The following TLL1 variants were observed in gnomAD, a reference collection of about 807,000 sequenced individuals.
TLL1 encodes tolloid-like protein 1.
A neutral mutation model predicts 128.2 loss-of-function variants in TLL1; 49 were observed. That is an observed-to-expected ratio of 0.38 (90% CI 0.30 to 0.48). TLL1 has a LOEUF of 0.48. Among genes scored for constraint, TLL1 ranks in the 20% least tolerant of loss-of-function variants. The pLI, the probability that TLL1 is intolerant of heterozygous loss-of-function variation, is 0.96. For missense variants in TLL1, 1,123 were observed against 1,242.0 expected (o/e 0.90, Z 1.44); for synonymous variants, 454 against 418.8 (o/e 1.08, Z -1.03).
At chr4:166,057,578 G>T (rs1740084398) in intron 14 of TLL1, among the ~76,000 whole-genome samples, 1 of 151,952 alleles carries the variant, frequency 6.6e-6, no homozygotes, top group South Asian at 2.1e-4. Context: ...TGCTAATACA[G>T]ACACATTAGC....
chr4:165,936,276 G>A (rs1247400244), intron 1 of TLL1, among the ~76,000 whole-genome samples: 3 of 144,018 alleles, frequency 2.1e-5, no homozygotes, highest in African/African-American at 7.8e-5. Flanking sequence ...ATGGAGTGCA[G>A]TGATGTGATC....
chr4:166,055,805 G>A (rs188435113), intron 13 of TLL1, among the ~76,000 whole-genome samples: 1 of 151,998 alleles, frequency 6.6e-6, no homozygotes. Context: ...CCCATATTTT[G>A]TATGTATTGT....
At chr4:165,942,433 A>T (rs1365100438) in intron 1 of TLL1, among the ~76,000 whole-genome samples, 1 of 151,622 alleles carries the variant, frequency 6.6e-6, no homozygotes, top group Non-Finnish European at 1.5e-5. Flanking sequence ...TTATCTTTTC[A>T]TTTTGCATTG....
chr4:166,102,375 G>A lies in TLL1; in HGVS notation c.*1499G>A, dbSNP rs1269659804. 1.3e-5 allele frequency: 2 copies of A among 152,390 alleles called. No individual in the cohort carries two copies. Among genetic ancestry groups the A allele is most frequent in the African/African-American group, 4.8e-5 (2 of 41,418 alleles). 9.4% of individuals were successfully genotyped at this position (152,390 alleles called of 1,614,324 possible). A position where few individuals can be genotyped will look rare whatever the true frequency, so the allele number is the denominator to read the frequency against. Reference sequence around the variant, plus strand: ...TTTTAAAATTAATGAATGTAGATGTGTGATTGTCTGAGTGAGTGAAACTAC... The same window carrying A: ...TTTTAAAATTAATGAATGTAGATGTATGATTGTCTGAGTGAGTGAAACTAC... On this transcript the variant is annotated 3_prime_UTR_variant, in exon 21 of 21. Transcript: ENST00000061240.
rs572402979 is a variant in TLL1 at position 165,973,337 on chromosome 4, TTCCTA to T, written c.170-16039_170-16035del. On this transcript the variant is annotated intron_variant, in intron 1 of 20. Transcript: ENST00000061240. ...GGCATCAAATCCTGTATCCCAGGAT[TTCCTA>T]TCCTGGGATAGCACCATCCCAGGAT... Among the ~76,000 whole-genome samples, 34 of 152,032 alleles carry T rather than the reference TTCCTA, an allele frequency of 2.2e-4. 1 individual carries two copies. The South Asian group carries it at 7.1e-3, about 32-fold the overall frequency.
Position 166,057,012 on chromosome 4 carries a change from A to G in TLL1, c.1721-172A>G, listed in dbSNP as rs972872009. 5.3e-5 allele frequency among the ~76,000 whole-genome samples: 8 copies of G among 152,292 alleles called. No individual in the cohort carries two copies. In the East Asian group the frequency reaches 1.5e-3, roughly 29 times the overall value. ...TATATATATAAGAATAGCATGGAAAAGAACCCCCAACCATGATTCAGTTAC... is the reference window on the plus strand; with the variant it reads ...TATATATATAAGAATAGCATGGAAAGGAACCCCCAACCATGATTCAGTTAC... On this transcript the variant is annotated intron_variant, in intron 13 of 20. Transcript: ENST00000061240.
chr4:166,001,795 A>T lies in TLL1; in HGVS notation c.633-1596A>T, dbSNP rs1579606464. ...GGGTGACAAAGCAAAACTCCATCTC[A>T]AAAAAAAAAAAAAAGAAAAATGTCA... is the stretch of plus-strand genomic sequence containing the variant. On this transcript the variant is annotated intron_variant, in intron 5 of 20. Transcript: ENST00000061240. 1.1e-3 allele frequency among the ~76,000 whole-genome samples: 15 copies of T among 13,500 alleles called. No homozygotes were observed. In the South Asian group the frequency reaches 0.02, roughly 18 times the overall value. 8.9% of individuals were successfully genotyped at this position (13,500 alleles called of 152,430 possible).
intron 1 of TLL1, among the ~76,000 whole-genome samples, chr4:165,931,072 T>A (rs1242190553): frequency 6.6e-6 from 1 of 152,200 alleles, no homozygotes; most frequent in African/African-American, 2.4e-5. Context: ...TTTCATAGAT[T>A]ATGTGTTTTG....
chr4:166,099,654 AT>A, intron 20 of TLL1, 127 bp downstream of exon 20: 1 of 1,292,384 alleles, frequency 7.7e-7, no homozygotes, highest in Non-Finnish European at 1.1e-6. Flanking sequence ...GCTACATTGT[AT>A]TATAAATGGC....
At chr4:166,063,783 T>C (rs958466951) in intron 15 of TLL1, among the ~76,000 whole-genome samples, 4 of 152,004 alleles carry the variant, frequency 2.6e-5, no homozygotes, top group Non-Finnish European at 5.9e-5. Flanking sequence ...TAGGTGGGAA[T>C]TGAACAATGA....
chr4:165,997,505 A>T (rs1736940095), intron 5 of TLL1, among the ~76,000 whole-genome samples: 1 of 152,198 alleles, frequency 6.6e-6, no homozygotes, highest in Non-Finnish European at 1.5e-5. Context: ...TCTCCCACAA[A>T]GTTAGGCAAC....
At chr4:166,087,844 G>A (rs1360318168) in intron 18 of TLL1, among the ~76,000 whole-genome samples, 1 of 152,058 alleles carries the variant, frequency 6.6e-6, no homozygotes, top group Non-Finnish European at 1.5e-5. Context: ...AGCCTATAAC[G>A]AGAGTTCAAT....
chr4:165,944,917 G>A (rs955720130), intron 1 of TLL1, among the ~76,000 whole-genome samples: 42 of 151,906 alleles, frequency 2.8e-4, no homozygotes, highest in Non-Finnish European at 7.4e-5. Context: ...TATGGGAGTC[G>A]GTAACTCAGA....
Position 165,912,037 on chromosome 4 carries a change from G to A in TLL1, c.169+37964G>A, listed in dbSNP as rs576855309. ...ACTACAGGCACCCGCCACCATGCCC[G>A]GCTAATTTTTTGTATTTTTAGTAGA... On this transcript the variant is annotated intron_variant, in intron 1 of 20. Transcript: ENST00000061240. 1.0e-3 allele frequency among the ~76,000 whole-genome samples: 155 copies of A among 152,098 alleles called. 1 individual carries two copies. Among genetic ancestry groups the A allele is most frequent in the African/African-American group, 3.5e-3 (145 of 41,494 alleles).
At chr4:166,033,495 A>G (rs1738864776) in intron 9 of TLL1, among the ~76,000 whole-genome samples, 1 of 152,160 alleles carries the variant, frequency 6.6e-6, no homozygotes, top group Admixed American at 6.6e-5. Context: ...TTCCTTTAAA[A>G]AATTACCAGC....
At chr4:166,023,403 A>G (rs1216391734) in intron 8 of TLL1, among the ~76,000 whole-genome samples, 1 of 152,230 alleles carries the variant, frequency 6.6e-6, no homozygotes, top group Non-Finnish European at 1.5e-5. Context: ...CTTTCCCCAA[A>G]GAAAAATAAA....
chr4:166,032,083 T>C (rs553931511), intron 9 of TLL1, among the ~76,000 whole-genome samples: 3 of 152,144 alleles, frequency 2.0e-5, no homozygotes, highest in East Asian at 1.9e-4. Context: ...TTATAGAGAA[T>C]GTGTTTTTTC....
At position 166,025,322 on chromosome 4, in the gene TLL1, G is replaced by A. The variant is rs964152618; in HGVS notation, c.1049G>A (p.Gly350Glu). The change falls in exon 9 of 21, where the codon GGA (glycine) becomes GAA (glutamate). Residue 350 changes from glycine to glutamate, a missense_variant. Physicochemically the swap from Gly to Glu is moderately conservative, Grantham distance 98. Around this residue, in one of 3 missense-constraint regions of TLL1, gnomAD observed 480 missense variants for 542.4 expected, o/e 0.89. Transcript: ENST00000061240. ...ARKLYRCPACGETLQESNGNL... is the reference protein window; with the variant it reads ...ARKLYRCPACEETLQESNGNL... ...TATATTTTTTTCCTTTCAGCATGTG[G>A]AGAAACTCTACAAGAATCCAATGGC... 2 of 1,610,662 alleles carry A rather than the reference G, an allele frequency of 1.2e-6. No individual in the cohort carries two copies. Among genetic ancestry groups the A allele is most frequent in the South Asian group, 1.1e-5 (1 of 90,984 alleles).
intron 18 of TLL1, among the ~76,000 whole-genome samples, chr4:166,084,571 C>T (rs762687359): frequency 6.6e-6 from 1 of 152,050 alleles, no homozygotes; most frequent in Non-Finnish European, 1.5e-5. Flanking sequence ...TATGGCGTGA[C>T]ATATGGGTCT....
Sources: gnomAD v4.1 joint callset for allele counts (sites outside exome capture counted in the v4.1 genomes callset) on GRCh38, gnomAD v4.1.1 for gene constraint, gnomAD v4.1.1 regional missense constraint, MANE v1.5 for transcripts, NCBI Gene and HGNC (gene_info 2026-07-23, HGNC 2026-07-21) for gene names.